The following GALNT14 variants were observed in gnomAD, a reference collection of about 807,000 sequenced individuals.
GALNT14 encodes the protein UDP-GalNAc:polypeptide N-acetylgalactosaminyltransferase 14.
GALNT14 carries 60 observed loss-of-function variants against 77.5 expected under a neutral mutation model. The observed-to-expected ratio is 0.77, with a 90% CI of 0.63 to 0.96. GALNT14 has a LOEUF of 0.96. Ranked by LOEUF, GALNT14 falls within the 40% of genes least tolerant of loss-of-function variation. GALNT14 has a pLI of 0.00. For missense variants in GALNT14, 710 were observed against 731.0 expected (o/e 0.97, Z 0.33); for synonymous variants, 280 against 281.7 (o/e 0.99, Z 0.06).
intron 1 of GALNT14, among the ~76,000 whole-genome samples, chr2:31,070,528 A>T (rs984683417): frequency 1.3e-4 from 19 of 151,954 alleles, no homozygotes; most frequent in Non-Finnish European, 2.6e-4. Context: ...TGACTCATCC[A>T]TTTTCTCCCA....
chr2:31,132,631 T>C, intron 1 of GALNT14: 1 of 452,710 alleles, frequency 2.2e-6, no homozygotes, highest in Non-Finnish European at 4.6e-6. Flanking sequence ...AGAACTGACC[T>C]AACAGACTCC....
intron 1 of GALNT14, among the ~76,000 whole-genome samples, chr2:31,090,127 A>C (rs1249583399): frequency 2.0e-5 from 3 of 152,126 alleles, no homozygotes; most frequent in African/African-American, 4.8e-5. Context: ...TCCAGACACC[A>C]AAAGTATCAG....
At chr2:30,975,058 C>T (rs186971688) in intron 2 of GALNT14, among the ~76,000 whole-genome samples, 18 of 152,256 alleles carry the variant, frequency 1.2e-4, no homozygotes, top group Admixed American at 3.3e-4. Flanking sequence ...AAAGAAATTG[C>T]CCAAACTGAA....
At chr2:31,052,263 T>C (rs1206818096) in intron 1 of GALNT14, among the ~76,000 whole-genome samples, 1 of 152,160 alleles carries the variant, frequency 6.6e-6, no homozygotes, top group Non-Finnish European at 1.5e-5. Flanking sequence ...CACCAAGTCC[T>C]TGTCTCCCTG....
chr2:31,005,040 G>A (rs77960529), intron 1 of GALNT14, among the ~76,000 whole-genome samples: 2,167 of 152,314 alleles, frequency 0.014, 66 homozygotes, highest in African/African-American at 0.05. Context: ...AACAAAACAT[G>A]CCCATGGGCT....
chr2:30,931,935 T>C (rs901313087), intron 10 of GALNT14, 133 bp downstream of exon 10: 2 of 878,450 alleles, frequency 2.3e-6, no homozygotes, highest in Admixed American at 4.2e-5. Flanking sequence ...TAGTACGAGG[T>C]GCAGCCCCGG....
At chr2:31,124,055 C>G (rs963268319) in intron 1 of GALNT14, among the ~76,000 whole-genome samples, 4 of 151,900 alleles carry the variant, frequency 2.6e-5, no homozygotes, top group Non-Finnish European at 4.4e-5. Context: ...ACCCCCGCTT[C>G]CTACACAGGG....
chr2:30,985,180 C>T (rs1466963908), intron 2 of GALNT14, among the ~76,000 whole-genome samples: 2 of 145,922 alleles, frequency 1.4e-5, no homozygotes, highest in Non-Finnish European at 3.0e-5. Context: ...ATGAAATGTA[C>T]AATGCAAGGT....
chr2:31,126,706 C>T (rs13427784), intron 1 of GALNT14: 14,954 of 152,182 alleles, frequency 0.098, 1,773 homozygotes, highest in African/African-American at 0.28. Context: ...TCTAGGTAGA[C>T]TTCATCCCAG....
chr2:30,938,850 A>G (rs1351288424), intron 9 of GALNT14, among the ~76,000 whole-genome samples: 1 of 152,230 alleles, frequency 6.6e-6, no homozygotes, highest in Non-Finnish European at 1.5e-5. Context: ...AAGACAACAC[A>G]ATACATGCAA....
chr2:31,116,400 G>A (rs1480117164), intron 1 of GALNT14, among the ~76,000 whole-genome samples: 1 of 151,976 alleles, frequency 6.6e-6, no homozygotes, highest in Non-Finnish European at 1.5e-5. Context: ...AGAGTTATAC[G>A]TAATTTATAA....
At chr2:31,102,998 C>A (rs1435282253) in intron 1 of GALNT14, among the ~76,000 whole-genome samples, 1 of 152,054 alleles carries the variant, frequency 6.6e-6, no homozygotes. Flanking sequence ...CTTTTATTTT[C>A]AACCTTCCTG....
chr2:31,005,273 T>G (rs760058696), intron 1 of GALNT14, among the ~76,000 whole-genome samples: 38 of 152,220 alleles, frequency 2.5e-4, no homozygotes, highest in East Asian at 5.8e-4. Context: ...GTTGTGTGTG[T>G]GGGGGTGGGG....
At chr2:31,080,485 T>C (rs1278009198) in intron 1 of GALNT14, among the ~76,000 whole-genome samples, 1 of 152,244 alleles carries the variant, frequency 6.6e-6, no homozygotes, top group East Asian at 1.9e-4. Flanking sequence ...TGCAGCCCTG[T>C]ACAAGTCCAA....
chr2:31,100,441 A>G (rs192107135), intron 1 of GALNT14, among the ~76,000 whole-genome samples: 69 of 152,110 alleles, frequency 4.5e-4, no homozygotes, highest in African/African-American at 1.3e-3. Context: ...GAATTCTTTT[A>G]TTGTTTGAAA....
chr2:30,924,112 A>T lies in GALNT14; in HGVS notation c.1380+7T>A, dbSNP rs1171496022. The stretch of plus-strand genomic sequence containing the variant: ...CATGGTCCTGTATGCCCAGCCAGTT[A>T]CTTTACCTGGGACTTTGCATCTTCG... On this transcript the variant is annotated splice_region_variant and intron_variant, in intron 13 of 14. Transcript: ENST00000349752. 3.7e-6 allele frequency: 6 copies of T among 1,614,192 alleles called. No homozygotes were observed. The East Asian group carries it at 1.3e-4, about 36-fold the overall frequency.
intron 1 of GALNT14, among the ~76,000 whole-genome samples, chr2:31,011,573 T>C (rs1287232279): frequency 6.6e-6 from 1 of 152,082 alleles, no homozygotes; most frequent in Non-Finnish European, 1.5e-5. Flanking sequence ...GCTCACAGGA[T>C]CTAGGATCCA....
the GALNT14 span, among the ~76,000 whole-genome samples, chr2:30,902,371 A>C: frequency 6.6e-6 from 1 of 152,156 alleles, no homozygotes; most frequent in Non-Finnish European, 1.5e-5. Context: ...TCCATTTTCC[A>C]CTAAGGAGGC....
At chr2:31,125,316 G>A in intron 1 of GALNT14, 1 of 1,190,332 alleles carries the variant, frequency 8.4e-7, no homozygotes, top group Admixed American at 2.0e-5. Flanking sequence ...TAGCAGCATT[G>A]ATTTCACAGA....
Sources: gnomAD v4.1 joint callset for allele counts (sites outside exome capture counted in the v4.1 genomes callset) on GRCh38, gnomAD v4.1.1 for gene constraint, MANE v1.5 for transcripts, NCBI Gene and HGNC (gene_info 2026-07-23, HGNC 2026-07-21) for gene names.